Variants in PIK3AP1 observed in about 807,000 individuals in gnomAD.
PIK3AP1 encodes phosphoinositide-3-kinase adaptor protein 1.
Under a neutral mutation model 88.1 loss-of-function variants are expected in PIK3AP1, and 21 were observed. The ratio of observed to expected loss-of-function variants is 0.24; its 90% CI spans 0.17 to 0.34. The LOEUF (loss-of-function observed/expected upper bound fraction) is 0.34, where lower values mean the gene tolerates loss of function less well. PIK3AP1 is among the 10% of genes least tolerant of loss of function. The pLI is 1.00. For missense variants in PIK3AP1, 828 were observed against 1,035.7 expected (o/e 0.80, Z 2.75); for synonymous variants, 398 against 400.0 (o/e 1.00, Z 0.06).
At chr10:96,662,888 CAAAA>C (rs749898725) in intron 2 of PIK3AP1, among the ~76,000 whole-genome samples, 3 of 22,576 alleles carry the variant, frequency 1.3e-4, no homozygotes, top group South Asian at 8.7e-4. Context: ...GACTCCGTCT[CAAAA>C]AAAAAAAAAA....
chr10:96,599,987 T>A lies in PIK3AP1; in HGVS notation c.2360+2293A>T, dbSNP rs375286853. Among the ~76,000 whole-genome samples, 4 of 152,310 alleles carry A rather than the reference T, an allele frequency of 2.6e-5. No individual in the cohort carries two copies. The East Asian group carries it at 5.8e-4, about 22-fold the overall frequency. ...CCGGTTGTCTTCTCTTTCTCTTCTG[T>A]TAACAAAATCCCACCGAAACCTTGT... On this transcript the variant is annotated intron_variant, in intron 16 of 16. Coordinates refer to ENST00000339364, the MANE Select transcript of PIK3AP1 (RefSeq NM_152309.3).
chr10:96,666,601 C>G (rs995132542), intron 2 of PIK3AP1, among the ~76,000 whole-genome samples: 1 of 151,652 alleles, frequency 6.6e-6, no homozygotes, highest in African/African-American at 2.4e-5. Context: ...GCATTTGGAC[C>G]CACAACTAAG....
intron 1 of PIK3AP1, among the ~76,000 whole-genome samples, chr10:96,713,503 T>TAAA (rs566830672): frequency 3.5e-5 from 3 of 84,902 alleles, no homozygotes; most frequent in Non-Finnish European, 7.1e-5. Flanking sequence ...GACTCCGTCT[T>TAAA]AAAAAAAAAA....
rs7074516 is a variant in PIK3AP1 at position 96,595,167 on chromosome 10, C to T, written c.*410G>A. 39,065 of 178,240 alleles carry T rather than the reference C, an allele frequency of 0.22. 5,004 individuals carry two copies. The highest frequency in any genetic ancestry group is 0.34 in the African/African-American group (14,185 of 41,900). 11.0% of individuals were successfully genotyped at this position (178,240 alleles called of 1,614,324 possible). A position where few individuals can be genotyped will look rare whatever the true frequency, so the allele number is the denominator to read the frequency against. ...TATCTTACTTGAATACTACAAGTCT[C>T]ACACTATAACCTCTTCTAGAAATCA... On this transcript the variant is annotated 3_prime_UTR_variant, in exon 17 of 17. Transcript: ENST00000339364.
rs2134280677 is a variant in PIK3AP1, at chr10:96,698,420, G to A, written c.430+11147C>T. Among the ~76,000 whole-genome samples the A allele has an allele frequency of 2.0e-5, 3 of 152,274 alleles. No individual in the cohort carries two copies. In the South Asian group the frequency reaches 6.2e-4, roughly 32 times the overall value. On this transcript the variant is annotated intron_variant, in intron 2 of 16. Transcript: ENST00000339364. Reference sequence around the variant, plus strand: ...AATTCCAGCACTTTGAGAGGCTGAGGCAGATGGATCACCTGAGGTCAGGAG... The same window carrying A: ...AATTCCAGCACTTTGAGAGGCTGAGACAGATGGATCACCTGAGGTCAGGAG...
chr10:96,663,267 C>A lies in PIK3AP1; in HGVS notation c.431-6333G>T, dbSNP rs147271005. Among the ~76,000 whole-genome samples, 792 of 151,746 alleles carry A rather than the reference C, an allele frequency of 5.2e-3. 6 individuals are homozygous for A. The highest frequency in any genetic ancestry group is 0.027 in the Middle Eastern group (8 of 294). ...AATATTGCACAAATCTGTGAATATA[C>A]GAAAAAAACATTGAATTGTACACTT... On this transcript the variant is annotated intron_variant, in intron 2 of 16. Coordinates refer to ENST00000339364, the MANE Select transcript of PIK3AP1 (RefSeq NM_152309.3).
At chr10:96,649,895 C>T (rs1331989525) in intron 6 of PIK3AP1, among the ~76,000 whole-genome samples, 1 of 152,200 alleles carries the variant, frequency 6.6e-6, no homozygotes, top group East Asian at 1.9e-4. Flanking sequence ...TTAAACTCAA[C>T]CAAGAAAATG....
chr10:96,656,775 A>C (rs1030916811), intron 3 of PIK3AP1, 23 bp downstream of exon 3: 1 of 1,611,880 alleles, frequency 6.2e-7, no homozygotes, highest in Non-Finnish European at 8.5e-7. Context: ...ACATCCAGCT[A>C]CCAGGCCCCC....
chr10:96,665,805 T>A (rs1843752878), intron 2 of PIK3AP1, among the ~76,000 whole-genome samples: 1 of 152,174 alleles, frequency 6.6e-6, no homozygotes, highest in Non-Finnish European at 1.5e-5. Context: ...GAGACATTTG[T>A]GCCAACTGAA....
chr10:96,675,909 G>A (rs1589531471), intron 2 of PIK3AP1, among the ~76,000 whole-genome samples: 1 of 152,148 alleles, frequency 6.6e-6, no homozygotes, highest in Admixed American at 6.6e-5. Context: ...ATTGTATAAG[G>A]CCATCATAGG....
Position 96,674,564 on chromosome 10 carries a change from C to T in PIK3AP1, c.431-17630G>A, listed in dbSNP as rs567048203. ...ATTTCTCTGAGAACAGATTTCCTGA[C>T]ATTCATTCATCTTTGTATCCCCAGG... On this transcript the variant is annotated intron_variant, in intron 2 of 16. Coordinates refer to ENST00000339364, the MANE Select transcript of PIK3AP1 (RefSeq NM_152309.3). Among the ~76,000 whole-genome samples the T allele has an allele frequency of 3.3e-5, 5 of 151,396 alleles. No homozygotes were observed. In the East Asian group the frequency reaches 7.7e-4, roughly 23 times the overall value.
chr10:96,609,907 A>G, intron 13 of PIK3AP1, 40 bp from the exon 14 acceptor site: 1 of 1,605,506 alleles, frequency 6.2e-7, no homozygotes, highest in Non-Finnish European at 8.5e-7. Flanking sequence ...TCAAGATACC[A>G]GACTGTCACC....
chr10:96,594,336 C>T lies in PIK3AP1; in HGVS notation c.*1241G>A, dbSNP rs1037707199. The T allele has an allele frequency of 5.3e-5, 8 of 152,224 alleles. No homozygotes were observed. Among genetic ancestry groups the T allele is most frequent in the Non-Finnish European group, 1.2e-4 (8 of 68,032 alleles). 9.4% of individuals were successfully genotyped at this position (152,224 alleles called of 1,614,324 possible). On this transcript the variant is annotated 3_prime_UTR_variant, in exon 17 of 17. Coordinates refer to ENST00000339364, the MANE Select transcript of PIK3AP1 (RefSeq NM_152309.3). The surrounding 1 kb of genome is among the most constrained non-coding windows in gnomAD (Gnocchi z 4.6). ...ATAGTATTTGCATATAACCTATGCA[C>T]ATCCTCCTGTATGCTTTAAATCATT...
At chr10:96,669,836 C>T (rs1843817980) in intron 2 of PIK3AP1, among the ~76,000 whole-genome samples, 1 of 151,580 alleles carries the variant, frequency 6.6e-6, no homozygotes, top group African/African-American at 2.4e-5. Flanking sequence ...CCAACTTGTA[C>T]GATGAGACTA....
chr10:96,681,439 C>A (rs1843997867), intron 2 of PIK3AP1, among the ~76,000 whole-genome samples: 1 of 152,200 alleles, frequency 6.6e-6, no homozygotes, highest in South Asian at 2.1e-4. Flanking sequence ...GAAACCTAAA[C>A]CAGGGCTGCT....
chr10:96,620,298 C>G, intron 12 of PIK3AP1, 54 bp downstream of exon 12: 1 of 1,576,748 alleles, frequency 6.3e-7, no homozygotes, highest in South Asian at 1.1e-5. Flanking sequence ...CAGCCCTCCT[C>G]TACTGTCAAG....
chr10:96,635,206 A>G (rs1489688254), intron 8 of PIK3AP1, among the ~76,000 whole-genome samples: 1 of 152,174 alleles, frequency 6.6e-6, no homozygotes, highest in Non-Finnish European at 1.5e-5. Context: ...TCTGCCTCCC[A>G]AGAGGGACCC....
In PIK3AP1 at chr10:96,597,367, TC is replaced by T. The variant is rs1848788758; in HGVS notation, c.2361-1734del. ...CCCTCCCTCCCTCCCTCTCTCTCTC[TC>T]TCTCTCTCTTTCTTTCTTTCTTTCT... On this transcript the variant is annotated intron_variant, in intron 16 of 16. Coordinates refer to ENST00000339364, the MANE Select transcript of PIK3AP1 (RefSeq NM_152309.3). Among the ~76,000 whole-genome samples the T allele has an allele frequency of 5.0e-5, 6 of 119,674 alleles. 1 individual carries two copies. Among genetic ancestry groups the T allele is most frequent in the East Asian group, 2.5e-4 (1 of 3,924 alleles). The allele number at this position is 119,674 out of a possible 152,430, so 78.5% of individuals were successfully genotyped here.
chr10:96,609,055 T>C (rs751088936), intron 14 of PIK3AP1, among the ~76,000 whole-genome samples: 5 of 152,232 alleles, frequency 3.3e-5, no homozygotes, highest in African/African-American at 9.6e-5. Context: ...CAGACGACTA[T>C]TGAAGCTTTC....
Sources: gnomAD v4.1 joint callset for allele counts (sites outside exome capture counted in the v4.1 genomes callset) on GRCh38, gnomAD v4.1.1 for gene constraint, Gnocchi (gnomAD v3.1) non-coding constraint, MANE v1.5 for transcripts, NCBI Gene and HGNC (gene_info 2026-07-23, HGNC 2026-07-21) for gene names.